RBFOX1: variants seen among roughly 807,000 people sequenced by gnomAD.
RBFOX1 encodes RNA binding fox-1 homolog 1, also known as RNA binding protein fox-1 homolog 1.
A neutral mutation model predicts 57.7 loss-of-function variants in RBFOX1; 8 were observed. The ratio of observed to expected loss-of-function variants is 0.14; its 90% CI spans 0.08 to 0.25. The LOEUF is 0.25. Among genes scored for constraint, RBFOX1 ranks in the 10% least tolerant of loss-of-function variants. The pLI, the probability that RBFOX1 is intolerant of heterozygous loss-of-function variation, is 1.00. For missense variants in RBFOX1, 611 were observed against 548.5 expected (o/e 1.11, Z -1.14); for synonymous variants, 326 against 222.4 (o/e 1.47, Z -4.15).
In RBFOX1 at chr16:5,752,936, C is replaced by T. The variant is rs560272846; in HGVS notation, c.319-114367C>T. Among the ~76,000 whole-genome samples the T allele has an allele frequency of 5.9e-5, 9 of 152,236 alleles. No individual in the cohort carries two copies. The East Asian group carries it at 1.7e-3, about 29-fold the overall frequency. ...GGCTGAGGCAAGAGGATCGCTTGAG[C>T]CTAGGAGTTCAAGACCAGCCTGCTC... On this transcript the variant is annotated intron_variant, in intron 3 of 19. Transcript: ENST00000641259.
chr16:5,835,289 T>C (rs1243401672), intron 3 of RBFOX1, among the ~76,000 whole-genome samples: 3 of 152,048 alleles, frequency 2.0e-5, no homozygotes. Flanking sequence ...AAGCCATGCG[T>C]CCCACCACAT....
At chr16:7,488,078 G>A (rs909522010) in intron 4 of RBFOX1, among the ~76,000 whole-genome samples, 4 of 152,282 alleles carry the variant, frequency 2.6e-5, no homozygotes, top group African/African-American at 9.6e-5. Flanking sequence ...TTAAAGAGAT[G>A]CTGTTAGAGG....
intron 4 of RBFOX1, among the ~76,000 whole-genome samples, chr16:7,202,288 T>C (rs1006526490): frequency 6.7e-5 from 8 of 120,198 alleles, no homozygotes; most frequent in African/African-American, 2.6e-4. Flanking sequence ...CACATTAGGA[T>C]GGCTGCAAAT....
intron 3 of RBFOX1, chr16:6,721,773 G>C (rs2066041788): frequency 6.6e-6 from 1 of 151,956 alleles, no homozygotes; most frequent in South Asian, 2.1e-4. Context: ...CCAGGCACTG[G>C]CCCTGCAGCT....
At chr16:6,761,005 T>C (rs554073066) in intron 3 of RBFOX1, among the ~76,000 whole-genome samples, 39 of 152,320 alleles carry the variant, frequency 2.6e-4, no homozygotes, top group African/African-American at 8.9e-4. Context: ...ATCTTTCCAA[T>C]TAATAAGAAA....
rs921257341 is a variant in RBFOX1, at chr16:7,195,060, A to T, written c.27+142962A>T. Among the ~76,000 whole-genome samples the T allele has an allele frequency of 2.0e-5, 3 of 152,022 alleles. No individual in the cohort carries two copies. In the East Asian group the frequency reaches 5.8e-4, roughly 29 times the overall value. On this transcript the variant is annotated intron_variant, in intron 4 of 15. Transcript: ENST00000550418. Reference sequence around the variant, plus strand: ...CTTCTAATTCTAGCAACAAAACTTTAAAAAATTATACTCTCTGAATTTTAA... The same window carrying T: ...CTTCTAATTCTAGCAACAAAACTTTTAAAAATTATACTCTCTGAATTTTAA...
At chr16:6,605,778 G>C (rs2097917157) in intron 2 of RBFOX1, among the ~76,000 whole-genome samples, 1 of 152,140 alleles carries the variant, frequency 6.6e-6, no homozygotes, top group Non-Finnish European at 1.5e-5. Flanking sequence ...ATTTCATTAT[G>C]AAACAACACA....
chr16:6,534,257 A>ATGTGTGTG (rs143116379), intron 2 of RBFOX1, among the ~76,000 whole-genome samples: 3 of 149,348 alleles, frequency 2.0e-5, no homozygotes, highest in Non-Finnish European at 3.0e-5. Flanking sequence ...ATCAGTGTGT[A>ATGTGTGTG]TGTGTGTGTG....
At chr16:7,360,901 G>A (rs1037411630) in intron 4 of RBFOX1, among the ~76,000 whole-genome samples, 6 of 152,164 alleles carry the variant, frequency 3.9e-5, no homozygotes, top group African/African-American at 1.4e-4. Context: ...GTCCCTGAAT[G>A]TATCCTTATC....
intron 4 of RBFOX1, among the ~76,000 whole-genome samples, chr16:7,113,961 T>C (rs2065328193): frequency 6.6e-6 from 1 of 152,156 alleles, no homozygotes; most frequent in Non-Finnish European, 1.5e-5. Context: ...TTAAAAAAAA[T>C]CACTTGTGCC....
In RBFOX1 at chr16:7,070,128, C is replaced by T. The variant is rs532933276; in HGVS notation, c.27+18030C>T. 1.6e-4 allele frequency among the ~76,000 whole-genome samples: 24 copies of T among 152,222 alleles called. No individual in the cohort carries two copies. In the South Asian group the frequency reaches 2.5e-3, roughly 16 times the overall value. On this transcript the variant is annotated intron_variant, in intron 4 of 15. Transcript: ENST00000550418. ...ATTGAATAGGTTTGCAAGCAACTGC[C>T]GCTGTGCTCATGGTGCATTTCCCAA...
chr16:5,801,309 GTC>G (rs1015478009), intron 3 of RBFOX1, among the ~76,000 whole-genome samples: 13 of 123,814 alleles, frequency 1.0e-4, no homozygotes, highest in Admixed American at 3.3e-4. Flanking sequence ...AGATTTTAAA[GTC>G]TCTATCTGCC....
At chr16:5,922,000 A>C (rs971581569) in intron 4 of RBFOX1, among the ~76,000 whole-genome samples, 4 of 151,422 alleles carry the variant, frequency 2.6e-5, no homozygotes, top group Non-Finnish European at 5.9e-5. Flanking sequence ...AAAAAAAAAC[A>C]AAAAAGAAAA....
chr16:6,654,789 A>G (rs1210346501), intron 3 of RBFOX1, 139 bp downstream of exon 3: 2 of 586,030 alleles, frequency 3.4e-6, no homozygotes, highest in Middle Eastern at 2.6e-4. Flanking sequence ...AGACAATCAG[A>G]CTTAAAAATG....
chr16:6,243,883 C>T (rs191176525), intron 1 of RBFOX1, among the ~76,000 whole-genome samples: 14 of 152,260 alleles, frequency 9.2e-5, no homozygotes, highest in Admixed American at 2.6e-4. Flanking sequence ...GAAGAGAGGA[C>T]GTGTCCAGAG....
At chr16:7,642,952 C>A (rs1374751385) in intron 11 of RBFOX1, among the ~76,000 whole-genome samples, 5 of 152,168 alleles carry the variant, frequency 3.3e-5, no homozygotes, top group Non-Finnish European at 7.3e-5. Context: ...ATTGTCGATA[C>A]CTGTGAGTAG....
At chr16:7,207,408 G>C (rs893248921) in intron 4 of RBFOX1, among the ~76,000 whole-genome samples, 2 of 152,144 alleles carry the variant, frequency 1.3e-5, no homozygotes, top group Admixed American at 6.5e-5. Flanking sequence ...ATGAATGGTA[G>C]AGAGAGGAAC....
Position 7,292,854 on chromosome 16 carries a change from A to T in RBFOX1, c.28-225293A>T, listed in dbSNP as rs1036922717. ...GAGCGTACAGGTTTGGTTTGGAAAG[A>T]TGGCTTGATACAAAGCTGGATAAGA... is the stretch of plus-strand genomic sequence containing the variant. On this transcript the variant is annotated intron_variant, in intron 4 of 15. Coordinates refer to ENST00000550418, the MANE Select transcript of RBFOX1 (RefSeq NM_018723.4). Among the ~76,000 whole-genome samples, 3 of 152,264 alleles carry T rather than the reference A, an allele frequency of 2.0e-5. No homozygotes were observed. In the East Asian group the frequency reaches 5.8e-4, roughly 29 times the overall value.
intron 4 of RBFOX1, among the ~76,000 whole-genome samples, chr16:7,405,391 T>C (rs529092305): frequency 6.6e-6 from 1 of 152,314 alleles, no homozygotes; most frequent in South Asian, 2.1e-4. Context: ...TGCAGTTTTT[T>C]CCCTGTTCCA....
Sources: gnomAD v4.1 joint callset for allele counts (sites outside exome capture counted in the v4.1 genomes callset) on GRCh38, gnomAD v4.1.1 for gene constraint, MANE v1.5 for transcripts, NCBI Gene and HGNC (gene_info 2026-07-23, HGNC 2026-07-21) for gene names.